JAK3: variants seen among roughly 807,000 people sequenced by gnomAD.
The protein encoded by JAK3 is Janus kinase 3, also known as tyrosine-protein kinase JAK3.
JAK3 carries 88 observed loss-of-function variants against 120.8 expected under a neutral mutation model. The observed-to-expected ratio is 0.73, with a 90% CI of 0.61 to 0.87. The LOEUF (loss-of-function observed/expected upper bound fraction) is 0.87. Ranked by LOEUF, JAK3 falls within the 40% of genes least tolerant of loss-of-function variation. The probability of loss-of-function intolerance (pLI) is 0.00; values close to 1 mark genes in which losing one functional copy is unlikely to be tolerated. For missense variants in JAK3, 1,254 were observed against 1,501.4 expected, an observed-to-expected ratio of 0.84 and a Z score of 2.72; for synonymous variants, 592 against 628.6, an observed-to-expected ratio of 0.94 and a Z score of 0.87.
In JAK3 at chr19:17,844,309, G is replaced by T. The variant is rs955716335; in HGVS notation, c.109C>A (p.Pro37Thr). 5.0e-6 allele frequency: 8 copies of T among 1,608,162 alleles called. No homozygotes were observed. The highest frequency in any genetic ancestry group is 2.2e-5 in the East Asian group (1 of 44,736). The change falls in exon 2 of 24, where the codon CCC becomes ACC. Residue 37 changes from proline to threonine, a missense_variant. Coordinates refer to ENST00000458235, the MANE Select transcript of JAK3 (RefSeq NM_000215.4). ...AAGGAGAAAGATAGGCGCTGGGGGG[G>T]CCCGGGGCCCCGAGCGGGCAGCAGC... ...HVLLPARGPG[P>T]PQRLSFSFGD...
intron 1 of JAK3, among the ~76,000 whole-genome samples, chr19:17,845,192 G>A (rs988590418): frequency 1.3e-5 from 2 of 152,114 alleles, no homozygotes; most frequent in African/African-American, 4.8e-5. Context: ...TTTTGAGACA[G>A]AGTCTCGCGC....
chr19:17,846,615 C>T (rs1042587085), intron 1 of JAK3, among the ~76,000 whole-genome samples: 2 of 152,190 alleles, frequency 1.3e-5, no homozygotes, highest in African/African-American at 4.8e-5. Context: ...GACGGAGTCT[C>T]GCACTGTCAC....
In JAK3 at chr19:17,842,646, C is replaced by T; in HGVS notation, c.567-36G>A. The stretch of plus-strand genomic sequence containing the variant: ...TGGAGGGGAGGGAGCCGGCCCTCAG[C>T]GTCGGGAGGGGTCCCCGCGGGGACA... On this transcript the variant is annotated intron_variant, in intron 5 of 23. Coordinates refer to ENST00000458235, the MANE Select transcript of JAK3 (RefSeq NM_000215.4). The surrounding 1 kb of genome is among the most constrained non-coding windows in gnomAD (Gnocchi z 6.4). The T allele has an allele frequency of 3.3e-6, 5 of 1,517,284 alleles. No homozygotes were observed. The highest frequency in any genetic ancestry group is 2.7e-5 in the African/African-American group (2 of 72,732). 94.0% of individuals were successfully genotyped at this position (1,517,284 alleles called of 1,614,324 possible).
chr19:17,839,678 G>A lies in JAK3; in HGVS notation c.1255-15C>T, dbSNP rs1353710061. On this transcript the variant is annotated splice_polypyrimidine_tract_variant and intron_variant, in intron 9 of 23. Coordinates refer to ENST00000458235, the MANE Select transcript of JAK3 (RefSeq NM_000215.4). ...CCAAGGGGGTTCTGCAAAGAAGAGT[G>A]GCCCCTGAGTGGGACTGAGCGACAG... 1 of 1,603,234 alleles carries A rather than the reference G, an allele frequency of 6.2e-7. No individual in the cohort carries two copies. Among genetic ancestry groups the A allele is most frequent in the Non-Finnish European group, 8.5e-7 (1 of 1,175,376 alleles).
Position 17,843,278 on chromosome 19 carries a change from C to A in JAK3, c.420+102G>T. ...TGGGCTGACCCCCACCCCTGGACTG[C>A]CACAGGGAGGGTCAGACGAGGCCCC... On this transcript the variant is annotated intron_variant, in intron 4 of 23. Coordinates refer to ENST00000458235, the MANE Select transcript of JAK3 (RefSeq NM_000215.4). The surrounding 1 kb of genome is among the most constrained non-coding windows in gnomAD (Gnocchi z 5.4). 1 of 1,530,862 alleles carries A rather than the reference C, an allele frequency of 6.5e-7. No individual in the cohort carries two copies. 94.8% of individuals were successfully genotyped at this position (1,530,862 alleles called of 1,614,324 possible). A position where few individuals can be genotyped will look rare whatever the true frequency, so the allele number is the denominator to read the frequency against.
intron 22 of JAK3, 124 bp downstream of exon 22, chr19:17,830,379 G>T: frequency 1.1e-6 from 1 of 930,578 alleles, no homozygotes. Context: ...TCCCCACTGG[G>T]GCCTATGATG....
In JAK3 at chr19:17,842,268, AG is replaced by A; in HGVS notation, c.861+47del. 1.1e-6 allele frequency: 1 copy of A among 949,226 alleles called. No homozygotes were observed. Among genetic ancestry groups the A allele is most frequent in the Non-Finnish European group, 1.5e-6 (1 of 676,098 alleles). 58.8% of individuals were successfully genotyped at this position (949,226 alleles called of 1,614,324 possible). A position where few individuals can be genotyped will look rare whatever the true frequency, so the allele number is the denominator to read the frequency against. ...CCTACCACTCTCCGGCCCCTCCCCG[AG>A]CCCCGCCCCCACGTTGGCCCCGCCC... On this transcript the variant is annotated intron_variant, in intron 6 of 23. Transcript: ENST00000458235. This position sits in a 1 kb window ranked among gnomAD's most constrained non-coding sequence, Gnocchi z 6.4.
In JAK3 at chr19:17,843,055, G is replaced by T. The variant is rs770633633; in HGVS notation, c.538C>A (p.Arg180=). 1.2e-6 allele frequency: 2 copies of T among 1,610,472 alleles called. No homozygotes were observed. The highest frequency in any genetic ancestry group is 2.2e-5 in the East Asian group (1 of 44,878). ...ACAGTCTTCAGCAGCTCTCCCGGCC[G>T]CTGGGCCTGCTCTCGCGCCATCCGG... ...LARMAREQAQ[R]PGELLKTVSY... Residue 180 remains arginine, a synonymous_variant, in exon 5 of 24, where the codon CGG becomes AGG. Transcript: ENST00000458235. This position sits in a 1 kb window ranked among gnomAD's most constrained non-coding sequence, Gnocchi z 5.4.
chr19:17,829,158 G>GTTTGTTTA (rs1568400299), intron 23 of JAK3, among the ~76,000 whole-genome samples: 1 of 151,620 alleles, frequency 6.6e-6, no homozygotes, highest in African/African-American at 2.4e-5. Context: ...TTATTTGTTT[G>GTTTGTTTA]TTTATTTATT....
In JAK3 at chr19:17,832,682, G is replaced by A. The variant is rs2147678468; in HGVS notation, c.2517C>T (p.Cys839=). 6.2e-7 allele frequency: 1 copy of A among 1,614,234 alleles called. No homozygotes were observed. The highest frequency in any genetic ancestry group is 1.3e-5 in the African/African-American group (1 of 75,072). ...TATTGTCGCCTAGCGGGTCATAGCG[G>A]CACAGCTCCACGCTGCCAAAGTTGC... The part of the protein sequence containing the change: ...GKGNFGSVEL[C]RYDPLGDNTG... The change falls in exon 19 of 24, where the codon TGC becomes TGT. Residue 839 remains cysteine (C), a synonymous_variant. Coordinates refer to ENST00000458235, the MANE Select transcript of JAK3 (RefSeq NM_000215.4). This position sits in a 1 kb window ranked among gnomAD's most constrained non-coding sequence, Gnocchi z 4.7.
At chr19:17,836,820 A>G in intron 13 of JAK3, 1 of 493,174 alleles carries the variant, frequency 2.0e-6, no homozygotes. Context: ...CTCCTGGCCC[A>G]TCCTAGACTC....
chr19:17,834,484 G>C (rs1175440795), intron 17 of JAK3, 87 bp downstream of exon 17: 17 of 1,484,346 alleles, frequency 1.1e-5, no homozygotes, highest in African/African-American at 4.2e-5. Flanking sequence ...CAGACACACA[G>C]GGCGTGGCCT....
In JAK3 at chr19:17,837,170, C is replaced by T. The variant is rs368885175; in HGVS notation, c.1745G>A (p.Arg582Gln). Reference sequence around the variant, plus strand: ...CACGCCGTGGAGCAGCACGAGATGCCGGTACGACACTTGGCTCATCAAGCT... The same window carrying T: ...CACGCCGTGGAGCAGCACGAGATGCTGGTACGACACTTGGCTCATCAAGCT... ...AASLMSQVSY[R>Q]HLVLLHGVCM... Residue 582 changes from arginine to glutamine, a missense_variant, in exon 13 of 24, where the codon CGG (arginine) becomes CAG (glutamine). By Grantham distance (43) the Arg-to-Gln change is conservative (BLOSUM62 1). Coordinates refer to ENST00000458235, the MANE Select transcript of JAK3 (RefSeq NM_000215.4). 2.0e-5 allele frequency: 32 copies of T among 1,570,992 alleles called. No homozygotes were observed. Among genetic ancestry groups the T allele is most frequent in the Admixed American group, 1.3e-4 (7 of 54,212 alleles).
rs1189081863 is a variant in JAK3, at chr19:17,827,740, A to T, written c.3208-830T>A. On this transcript the variant is annotated intron_variant, in intron 23 of 23. Transcript: ENST00000458235. ...ACTAAAAAAAAAAAAAAAAAAAAAA[A>T]AAAAAAAAAAAAAAAAAAATTACAG... 4.7e-4 allele frequency among the ~76,000 whole-genome samples: 31 copies of T among 66,068 alleles called. 3 individuals are homozygous for T. The highest frequency in any genetic ancestry group is 6.3e-4 in the Admixed American group (4 of 6,308). 43.3% of individuals were successfully genotyped at this position (66,068 alleles called of 152,430 possible).
In JAK3 at chr19:17,843,878, G is replaced by A. The variant is rs775633197; in HGVS notation, c.207C>T (p.Ser69=). ...KASGILPVYH[S]LFALATEDLS... ...GGTCCTCCGTGGCCAGAGCAAAGAG[G>A]GAGTGGTACACAGGCAGGATGCCTA... The change falls in exon 3 of 24, where the codon TCC becomes TCT. Residue 69 remains serine, a synonymous_variant. Coordinates refer to ENST00000458235, the MANE Select transcript of JAK3 (RefSeq NM_000215.4). This position sits in a 1 kb window ranked among gnomAD's most constrained non-coding sequence, Gnocchi z 5.4. 1.2e-6 allele frequency: 2 copies of A among 1,613,564 alleles called. No homozygotes were observed. Among genetic ancestry groups the A allele is most frequent in the Non-Finnish European group, 1.7e-6 (2 of 1,179,988 alleles).
At position 17,841,702 on chromosome 19, in the gene JAK3, G is replaced by T; in HGVS notation, c.922C>A (p.Arg308Ser). 6.2e-7 allele frequency: 1 copy of T among 1,613,550 alleles called. No homozygotes were observed. The highest frequency in any genetic ancestry group is 8.5e-7 in the Non-Finnish European group (1 of 1,179,984). The stretch of plus-strand genomic sequence containing the variant: ...CGGTGCTCTCCGGCCGGGCCAACGC[G>T]CGGGGCCTGCTTGATGCTAATGTCT... ...IVDISIKQAP[R>S]VGPAGEHRLV... is the part of the protein sequence containing the mutation. Residue 308 changes from arginine to serine, a missense_variant, in exon 7 of 24, where the codon CGC (arginine) becomes AGC (serine). Physicochemically the swap from Arg to Ser is moderately radical, Grantham distance 110 (BLOSUM62 -1). This residue lies in a region of JAK3 where 486 missense variants were observed against 503.0 expected (regional missense o/e 0.97). Transcript: ENST00000458235. The surrounding 1 kb of genome is among the most constrained non-coding windows in gnomAD (Gnocchi z 4.1).
Position 17,832,681 on chromosome 19 carries a change from G to A in JAK3, c.2518C>T (p.Arg840Cys), listed in dbSNP as rs200077579. 2.1e-4 allele frequency: 341 copies of A among 1,614,086 alleles called. 2 individuals carry two copies. The highest frequency in any genetic ancestry group is 3.3e-4 in the Middle Eastern group (2 of 6,082). The change falls in exon 19 of 24, where the codon CGC becomes TGC. Residue 840 changes from arginine (R) to cysteine (C), a missense_variant. Physicochemically the swap from Arg to Cys is radical, Grantham distance 180 (BLOSUM62 -3). Transcript: ENST00000458235. This position sits in a 1 kb window ranked among gnomAD's most constrained non-coding sequence, Gnocchi z 4.7. ...KGNFGSVELC[R>C]YDPLGDNTGA... ...GTATTGTCGCCTAGCGGGTCATAGC[G>A]GCACAGCTCCACGCTGCCAAAGTTG...
At position 17,826,441 on chromosome 19, in the gene JAK3, G is replaced by A. The variant is rs535962008; in HGVS notation, c.*302C>T. 21 of 388,762 alleles carry A rather than the reference G, an allele frequency of 5.4e-5. No homozygotes were observed. Among genetic ancestry groups the A allele is most frequent in the African/African-American group, 2.6e-4 (13 of 50,090 alleles). 24.1% of individuals were successfully genotyped at this position (388,762 alleles called of 1,614,324 possible). A position where few individuals can be genotyped will look rare whatever the true frequency, so the allele number is the denominator to read the frequency against. On this transcript the variant is annotated 3_prime_UTR_variant, in exon 24 of 24. Coordinates refer to ENST00000458235, the MANE Select transcript of JAK3 (RefSeq NM_000215.4). ...AGAGAGAGACAGAAAAGGAAACTCA[G>A]GGGGCCAGGGCTTAAGGGGTTGGGA...
At chr19:17,844,564 C>T (rs373489884) in intron 1 of JAK3, 134 bp from the exon 2 acceptor site, 7 of 733,250 alleles carry the variant, frequency 9.5e-6, no homozygotes, top group South Asian at 1.9e-5. Context: ...TTTGGGAGGC[C>T]GAGGCGGGAG....
Sources: allele counts gnomAD v4.1 joint callset (sites outside exome capture counted in the v4.1 genomes callset), GRCh38; gene constraint gnomAD v4.1.1; regional missense constraint gnomAD v4.1.1; non-coding constraint Gnocchi (gnomAD v3.1); transcripts MANE v1.5; gene names NCBI Gene and HGNC (gene_info 2026-07-23, HGNC 2026-07-21).